Variants in SPTLC3 observed in about 807,000 individuals in gnomAD.
The protein encoded by SPTLC3 is serine palmitoyltransferase 3.
Under a neutral mutation model 59.3 loss-of-function variants are expected in SPTLC3, and 36 were observed. That is an observed-to-expected ratio of 0.61 (90% confidence interval 0.47 to 0.80). SPTLC3 has a LOEUF of 0.80. Among genes scored for constraint, SPTLC3 ranks in the 30% least tolerant of loss-of-function variants. SPTLC3 has a pLI of 0.00. For synonymous variants in SPTLC3, 257 were observed against 240.8 expected, an observed-to-expected ratio of 1.07 and a Z score of -0.62; for missense variants, 625 against 685.1, an observed-to-expected ratio of 0.91 and a Z score of 0.98.
intron 9 of SPTLC3, among the ~76,000 whole-genome samples, chr20:13,131,890 A>G (rs2038128203): frequency 6.6e-6 from 1 of 152,028 alleles, no homozygotes; most frequent in Admixed American, 6.5e-5. Context: ...TGGTCTTCAC[A>G]GCTTCTCAGG....
chr20:13,100,969 AGT>A (rs879480414), intron 6 of SPTLC3, among the ~76,000 whole-genome samples: 45,729 of 150,180 alleles, frequency 0.3, 7,774 homozygotes, highest in Middle Eastern at 0.4. Flanking sequence ...AGGAAGCACC[AGT>A]AGGTGAGCAG....
chr20:13,117,532 C>T lies in SPTLC3; in HGVS notation c.959C>T (p.Pro320Leu), dbSNP rs769321847. The change falls in exon 8 of 12, where the codon CCC becomes CTC. Residue 320 changes from proline to leucine, a missense_variant. Physicochemically the swap from Pro to Leu is moderately conservative, Grantham distance 98 (BLOSUM62 -3). Coordinates refer to ENST00000399002, the MANE Select transcript of SPTLC3 (RefSeq NM_018327.4). ...ATGGAAGGTTCCATCGTGCATCTGCCCCAGATCATAGCTCTAAAGAAGAAA... is the reference window on the plus strand; with the variant it reads ...ATGGAAGGTTCCATCGTGCATCTGCTCCAGATCATAGCTCTAAAGAAGAAA... ...YSMEGSIVHL[P>L]QIIALKKKYK... is the part of the protein sequence containing the mutation. 5.6e-6 allele frequency: 9 copies of T among 1,605,728 alleles called. No homozygotes were observed. The South Asian group carries it at 8.9e-5, about 16-fold the overall frequency.
intron 9 of SPTLC3, among the ~76,000 whole-genome samples, chr20:13,136,693 TAA>T (rs2038254576): frequency 4.8e-5 from 7 of 147,322 alleles, no homozygotes; most frequent in Admixed American, 3.4e-4. Context: ...AGTATATAAA[TAA>T]AAGTTATATA....
In SPTLC3 at chr20:13,168,896, TA is replaced by T. The variant is rs1262256829; in HGVS notation, c.*4030del. ...AAAGAGTCTGTATTTTAAATATTTT[TA>T]GGTAATTATTGCGGGACATTGTCTT... On this transcript the variant is annotated 3_prime_UTR_variant, in exon 12 of 12. Coordinates refer to ENST00000399002, the MANE Select transcript of SPTLC3 (RefSeq NM_018327.4). 4 of 152,082 alleles carry T rather than the reference TA, an allele frequency of 2.6e-5. No individual in the cohort carries two copies. Among genetic ancestry groups the T allele is most frequent in the African/African-American group, 7.2e-5 (3 of 41,414 alleles). The allele number at this position is 152,082 out of a possible 1,614,324, so 9.4% of individuals were successfully genotyped here.
At chr20:13,039,905 A>G (rs1454439732) in intron 1 of SPTLC3, among the ~76,000 whole-genome samples, 1 of 152,060 alleles carries the variant, frequency 6.6e-6, no homozygotes, top group East Asian at 1.9e-4. Context: ...CTTCCCTTTT[A>G]TGCTATTACT....
At chr20:13,077,654 T>C (rs1988694027) in intron 4 of SPTLC3, among the ~76,000 whole-genome samples, 1 of 152,074 alleles carries the variant, frequency 6.6e-6, no homozygotes, top group Admixed American at 6.5e-5. Flanking sequence ...GCAGGAAAGA[T>C]GAAAGCTAGT....
intron 1 of SPTLC3, among the ~76,000 whole-genome samples, chr20:13,028,858 T>A (rs1986287938): frequency 6.6e-6 from 1 of 152,220 alleles, no homozygotes; most frequent in Non-Finnish European, 1.5e-5. Flanking sequence ...GGGACACTCG[T>A]ATCCTTTACT....
At chr20:13,081,772 T>G (rs1200605371) in intron 4 of SPTLC3, among the ~76,000 whole-genome samples, 1 of 152,194 alleles carries the variant, frequency 6.6e-6, no homozygotes, top group Non-Finnish European at 1.5e-5. Context: ...ATAGTGCCAA[T>G]TCCTCTCAAA....
At chr20:13,076,361 A>G (rs1161857131) in intron 4 of SPTLC3, among the ~76,000 whole-genome samples, 1 of 152,236 alleles carries the variant, frequency 6.6e-6, no homozygotes, top group Admixed American at 6.5e-5. Flanking sequence ...TTAAGAGAAT[A>G]TTTAACAGTA....
At chr20:13,053,545 G>A (rs925055612) in intron 2 of SPTLC3, among the ~76,000 whole-genome samples, 1 of 152,074 alleles carries the variant, frequency 6.6e-6, no homozygotes, top group Admixed American at 6.5e-5. Flanking sequence ...TGAGTTTGAC[G>A]AATTGACAGA....
At chr20:13,149,155 T>A (rs2038585684) in intron 9 of SPTLC3, among the ~76,000 whole-genome samples, 1 of 152,216 alleles carries the variant, frequency 6.6e-6, no homozygotes, top group African/African-American at 2.4e-5. Context: ...ACATAAGAGA[T>A]TATTTCATTC....
At chr20:13,153,502 G>A (rs1196297875) in intron 9 of SPTLC3, among the ~76,000 whole-genome samples, 1 of 152,082 alleles carries the variant, frequency 6.6e-6, no homozygotes, top group African/African-American at 2.4e-5. Flanking sequence ...CTATGAATAT[G>A]CTATCCCTAC....
At chr20:13,015,686 AC>A (rs1181352108) in intron 1 of SPTLC3, among the ~76,000 whole-genome samples, 1 of 152,182 alleles carries the variant, frequency 6.6e-6, no homozygotes, top group Non-Finnish European at 1.5e-5. Flanking sequence ...AATTGGAAAG[AC>A]TATGATAAAT....
intron 1 of SPTLC3, among the ~76,000 whole-genome samples, chr20:13,043,059 T>C (rs990961223): frequency 1.3e-5 from 2 of 152,164 alleles, no homozygotes; most frequent in African/African-American, 4.8e-5. Flanking sequence ...AGTGGTTCTG[T>C]TTCCCTACGC....
chr20:13,139,204 G>A (rs141231077), intron 9 of SPTLC3, among the ~76,000 whole-genome samples: 53 of 152,246 alleles, frequency 3.5e-4, no homozygotes, highest in African/African-American at 1.2e-3. Flanking sequence ...AAGAGGTTGA[G>A]AAACTAAAAC....
chr20:13,016,204 G>A (rs1416793412), intron 1 of SPTLC3, among the ~76,000 whole-genome samples: 1 of 151,984 alleles, frequency 6.6e-6, no homozygotes, highest in Non-Finnish European at 1.5e-5. Flanking sequence ...GTCAGAAAAG[G>A]GAAGGAAAGG....
chr20:13,131,710 C>T (rs1367020771), intron 9 of SPTLC3, among the ~76,000 whole-genome samples: 1 of 152,180 alleles, frequency 6.6e-6, no homozygotes, highest in Non-Finnish European at 1.5e-5. Context: ...CTGGAGTAGC[C>T]TCCTGAATAT....
chr20:13,040,847 T>C (rs768672404), intron 1 of SPTLC3, among the ~76,000 whole-genome samples: 1 of 152,182 alleles, frequency 6.6e-6, no homozygotes, highest in Non-Finnish European at 1.5e-5. Flanking sequence ...TGAAGGCTAG[T>C]TTTGCCAACA....
chr20:13,163,238 T>A (rs2123010603), intron 11 of SPTLC3, among the ~76,000 whole-genome samples: 1 of 151,924 alleles, frequency 6.6e-6, no homozygotes, highest in Non-Finnish European at 1.5e-5. Context: ...CGTAGTAGCA[T>A]GTGCCTGTAA....
Sources: gnomAD v4.1 joint callset for allele counts (sites outside exome capture counted in the v4.1 genomes callset) on GRCh38, gnomAD v4.1.1 for gene constraint, MANE v1.5 for transcripts, NCBI Gene and HGNC (gene_info 2026-07-23, HGNC 2026-07-21) for gene names.